Variants in RPH3A observed in about 807,000 individuals in gnomAD.
RPH3A encodes the protein rabphilin-3A.
RPH3A carries 48 observed loss-of-function variants against 102.2 expected under a neutral mutation model. The observed-to-expected ratio is 0.47, with a 90% CI of 0.37 to 0.60. The LOEUF (loss-of-function observed/expected upper bound fraction) is 0.60. RPH3A is among the 20% of genes least tolerant of loss of function. The pLI is 0.00. For synonymous variants in RPH3A, 310 were observed against 324.3 expected (o/e 0.96, Z 0.47); for missense variants, 781 against 910.1 (o/e 0.86, Z 1.83).
intron 5 of RPH3A, among the ~76,000 whole-genome samples, chr12:112,858,289 A>AAAAG (rs2042445813): frequency 6.8e-6 from 1 of 147,362 alleles, no homozygotes; most frequent in African/African-American, 2.6e-5. Context: ...AAAAAAAAAA[A>AAAAG]AAAAAGAAAA....
chr12:112,813,875 C>T (rs140489984), intron 2 of RPH3A, among the ~76,000 whole-genome samples: 6 of 152,292 alleles, frequency 3.9e-5, no homozygotes, highest in African/African-American at 1.4e-4. Context: ...CTGTTGCTCA[C>T]TGCCCTTGAT....
intron 20 of RPH3A, 132 bp downstream of exon 20, chr12:112,894,791 A>C: frequency 1.3e-6 from 1 of 768,714 alleles, no homozygotes; most frequent in Non-Finnish European, 2.0e-6. Flanking sequence ...ATGATGTAGA[A>C]AAATATTTGA....
At position 112,865,559 on chromosome 12, in the gene RPH3A, T is replaced by C; in HGVS notation, c.360+16T>C. On this transcript the variant is annotated intron_variant, in intron 6 of 21. Coordinates refer to ENST00000389385, the MANE Select transcript of RPH3A (RefSeq NM_001143854.2). ...CTGTAAGAAGGTATCATCATCCTCT[T>C]CTCCCTTCTTCCCTGTGCAGCACCT... The C allele has an allele frequency of 6.2e-7, 1 of 1,611,550 alleles. No individual in the cohort carries two copies. Among genetic ancestry groups the C allele is most frequent in the Non-Finnish European group, 8.5e-7 (1 of 1,179,278 alleles).
intron 1 of RPH3A, among the ~76,000 whole-genome samples, chr12:112,576,829 CCTCT>C (rs2039362355): frequency 6.6e-6 from 1 of 151,260 alleles, no homozygotes; most frequent in Admixed American, 6.6e-5. Flanking sequence ...TGAGCTATTC[CCTCT>C]TATAAAACTT....
intron 1 of RPH3A, among the ~76,000 whole-genome samples, chr12:112,589,370 G>C (rs2039460242): frequency 6.6e-6 from 1 of 152,082 alleles, no homozygotes; most frequent in African/African-American, 2.4e-5. Flanking sequence ...CCTCAACTCT[G>C]CTCCTGCAAC....
chr12:112,778,525 G>T (rs2136076678), intron 1 of RPH3A, among the ~76,000 whole-genome samples: 1 of 152,268 alleles, frequency 6.6e-6, no homozygotes, highest in East Asian at 1.9e-4. Flanking sequence ...AACACAATTT[G>T]AATAGGCTAA....
intron 1 of RPH3A, among the ~76,000 whole-genome samples, chr12:112,633,519 A>G (rs1306260663): frequency 6.6e-6 from 1 of 152,130 alleles, no homozygotes; most frequent in East Asian, 1.9e-4. Context: ...CTGAGCTGGC[A>G]TCCAGCCCCC....
At chr12:112,854,507 CAG>C (rs1314784332) in intron 5 of RPH3A, among the ~76,000 whole-genome samples, 1 of 152,198 alleles carries the variant, frequency 6.6e-6, no homozygotes, top group Non-Finnish European at 1.5e-5. Flanking sequence ...AACTGAAGAA[CAG>C]AGAGGTTTAG....
chr12:112,779,466 G>T (rs1250975903), intron 1 of RPH3A, among the ~76,000 whole-genome samples: 2 of 152,212 alleles, frequency 1.3e-5, no homozygotes, highest in Non-Finnish European at 2.9e-5. Context: ...GTAGCTGCGG[G>T]TCTGCAAAGT....
At chr12:112,805,307 C>T (rs184447772) in intron 2 of RPH3A, among the ~76,000 whole-genome samples, 12 of 150,534 alleles carry the variant, frequency 8.0e-5, no homozygotes, top group Admixed American at 6.6e-4. Flanking sequence ...AGTGTGTGTA[C>T]GAATCTTCTG....
At chr12:112,819,310 G>A (rs140805329) in intron 2 of RPH3A, among the ~76,000 whole-genome samples, 1,795 of 152,154 alleles carry the variant, frequency 0.012, 20 homozygotes, top group Non-Finnish European at 0.017. Context: ...GTTTCATCAC[G>A]TTGGCAAGGC....
intron 1 of RPH3A, among the ~76,000 whole-genome samples, chr12:112,692,822 C>T (rs1394629077): frequency 6.6e-6 from 1 of 152,188 alleles, no homozygotes; most frequent in Admixed American, 6.5e-5. Context: ...TATCATTAGT[C>T]ATAGCCTTTA....
At chr12:112,659,155 C>T (rs11066374) in intron 1 of RPH3A, among the ~76,000 whole-genome samples, 5,403 of 152,144 alleles carry the variant, frequency 0.036, 336 homozygotes, top group African/African-American at 0.12. Context: ...GTTTATGTCC[C>T]ACAAACAAAG....
At chr12:112,736,120 C>T (rs2040667817) in intron 1 of RPH3A, among the ~76,000 whole-genome samples, 1 of 152,176 alleles carries the variant, frequency 6.6e-6, no homozygotes, top group African/African-American at 2.4e-5. Flanking sequence ...TGGGGTTTCT[C>T]AACCTTACCA....
chr12:112,712,966 T>C (rs374771885), intron 1 of RPH3A, among the ~76,000 whole-genome samples: 7 of 104,488 alleles, frequency 6.7e-5, no homozygotes, highest in African/African-American at 1.2e-4. Flanking sequence ...TCTTCTTCTT[T>C]CTTCTTCTTT....
intron 1 of RPH3A, among the ~76,000 whole-genome samples, chr12:112,665,527 A>C (rs939802004): frequency 6.6e-6 from 1 of 152,186 alleles, no homozygotes; most frequent in African/African-American, 2.4e-5. Context: ...AATTGTCCTT[A>C]TCTTAGAGGT....
chr12:112,644,563 A>G (rs2039913416), intron 1 of RPH3A, among the ~76,000 whole-genome samples: 1 of 152,228 alleles, frequency 6.6e-6, no homozygotes, highest in South Asian at 2.1e-4. Flanking sequence ...ATAAGTACCT[A>G]GAAGATATGG....
intron 1 of RPH3A, among the ~76,000 whole-genome samples, chr12:112,656,509 A>G (rs1270477011): frequency 2.0e-5 from 3 of 152,086 alleles, no homozygotes; most frequent in Admixed American, 1.3e-4. Flanking sequence ...CCTCCATTGT[A>G]TCCGTAACCC....
intron 1 of RPH3A, among the ~76,000 whole-genome samples, chr12:112,575,659 G>T (rs1394181388): frequency 6.6e-6 from 1 of 152,056 alleles, no homozygotes; most frequent in African/African-American, 2.4e-5. Context: ...CGGTAGCCAC[G>T]GGGTGTCGGA....
Sources: allele counts gnomAD v4.1 joint callset (sites outside exome capture counted in the v4.1 genomes callset), GRCh38; gene constraint gnomAD v4.1.1; transcripts MANE v1.5; gene names NCBI Gene and HGNC (gene_info 2026-07-23, HGNC 2026-07-21).